Variants in PCDHGA6 observed in about 807,000 individuals in gnomAD.
The protein encoded by PCDHGA6 is protocadherin gamma-A6.
A neutral mutation model predicts 60.6 loss-of-function variants in PCDHGA6; 41 were observed. That is an observed-to-expected ratio of 0.68 (90% CI 0.53 to 0.88). The LOEUF (loss-of-function observed/expected upper bound fraction) is 0.88. Ranked by LOEUF, PCDHGA6 falls within the 40% of genes least tolerant of loss-of-function variation. PCDHGA6 has a pLI of 0.00. For synonymous variants in PCDHGA6, 594 were observed against 524.4 expected, an observed-to-expected ratio of 1.13 and a Z score of -1.81; for missense variants, 1,312 against 1,203.0, an observed-to-expected ratio of 1.09 and a Z score of -1.34.
chr5:141,415,606 G>A lies in PCDHGA6; in HGVS notation c.2424+39099G>A. On this transcript the variant is annotated intron_variant, in intron 1 of 3. Transcript: ENST00000517434. ...GTTTCCTATAGAGGATACCCCATTG[G>A]TTCCAGTGAGTTTTATTTTCATTTT... The A allele has an allele frequency of 1.2e-6, 2 of 1,612,910 alleles. 1 individual carries two copies. Among genetic ancestry groups the A allele is most frequent in the East Asian group, 4.5e-5 (2 of 44,866 alleles).
chr5:141,423,230 G>A (rs1223173152), intron 1 of PCDHGA6: 1 of 1,613,872 alleles, frequency 6.2e-7, no homozygotes, highest in East Asian at 2.2e-5. Flanking sequence ...GTGGCCGACA[G>A]CATCCCCGAA....
intron 1 of PCDHGA6, chr5:141,383,918 T>A (rs1779590334): frequency 3.7e-6 from 6 of 1,613,948 alleles, no homozygotes; most frequent in Non-Finnish European, 5.1e-6. Flanking sequence ...GTTTTAGATG[T>A]AAATGATAAT....
intron 1 of PCDHGA6, chr5:141,383,685 C>T: frequency 3.1e-6 from 5 of 1,614,018 alleles, no homozygotes; most frequent in Non-Finnish European, 4.2e-6. Context: ...CAAGACTGCT[C>T]ACGGTACATG....
intron 1 of PCDHGA6, chr5:141,414,518 A>G (rs746198767): frequency 1.9e-6 from 3 of 1,614,000 alleles, no homozygotes; most frequent in Non-Finnish European, 2.5e-6. Flanking sequence ...CAAGTGGCAG[A>G]TATCAATGAC....
At chr5:141,494,223 C>T (rs1435042163) in intron 1 of PCDHGA6, among the ~76,000 whole-genome samples, 2 of 152,192 alleles carry the variant, frequency 1.3e-5, no homozygotes, top group African/African-American at 4.8e-5. Context: ...TGGCATGACT[C>T]CTAAATTAAT....
rs1434955829 is a variant in PCDHGA6, at chr5:141,431,361, A to G, written c.2424+54854A>G. 3 of 1,614,002 alleles carry G rather than the reference A, an allele frequency of 1.9e-6. No homozygotes were observed. The highest frequency in any genetic ancestry group is 2.5e-6 in the Non-Finnish European group (3 of 1,180,034). On this transcript the variant is annotated intron_variant, in intron 1 of 3. Transcript: ENST00000517434. The surrounding 1 kb of genome is among the most constrained non-coding windows in gnomAD (Gnocchi z 4.8). ...GAATTGGTGCTGAAACGCGCCCTGG[A>G]CCGCGAAGAAAAGGCTGCTCACCAC...
At chr5:141,414,870 G>T in intron 1 of PCDHGA6, 1 of 1,614,224 alleles carries the variant, frequency 6.2e-7, no homozygotes, top group Non-Finnish European at 8.5e-7. Flanking sequence ...ATGCGCCCGA[G>T]ATCCTGTACC....
intron 1 of PCDHGA6, chr5:141,418,511 G>A: frequency 5.6e-6 from 9 of 1,613,974 alleles, no homozygotes; most frequent in Non-Finnish European, 7.6e-6. Context: ...CTTAGATGGT[G>A]GGGACCCTCC....
Position 141,403,041 on chromosome 5 carries a change from A to G in PCDHGA6, c.2424+26534A>G, listed in dbSNP as rs202099773. Reference sequence around the variant, plus strand: ...ATGCTATGGGAGGCCAGGGCCAGTCAGATTCGCTACTCAGTGCCTGAAGAG... The same window carrying G: ...ATGCTATGGGAGGCCAGGGCCAGTCGGATTCGCTACTCAGTGCCTGAAGAG... On this transcript the variant is annotated intron_variant, in intron 1 of 3. Transcript: ENST00000517434. 7.2e-5 allele frequency: 116 copies of G among 1,613,966 alleles called. No homozygotes were observed. Among genetic ancestry groups the G allele is most frequent in the Non-Finnish European group, 9.6e-5 (113 of 1,179,918 alleles).
At chr5:141,440,779 GC>G (rs2154559027) in intron 1 of PCDHGA6, 1 of 152,294 alleles carries the variant, frequency 6.6e-6, no homozygotes, top group Admixed American at 6.5e-5. Flanking sequence ...AGTGCTAGCA[GC>G]CTTAGACGGC....
chr5:141,408,384 T>C, intron 1 of PCDHGA6: 2 of 1,614,014 alleles, frequency 1.2e-6, no homozygotes, highest in Non-Finnish European at 1.7e-6. Flanking sequence ...GTCCTGGATG[T>C]GTCGGCTCGC....
rs1433790348 is a variant in PCDHGA6, at chr5:141,431,831, G to A, written c.2424+55324G>A. The A allele has an allele frequency of 1.2e-6, 2 of 1,614,110 alleles. No homozygotes were observed. The highest frequency in any genetic ancestry group is 1.7e-6 in the Non-Finnish European group (2 of 1,180,040). On this transcript the variant is annotated intron_variant, in intron 1 of 3. Transcript: ENST00000517434. The surrounding 1 kb of genome is among the most constrained non-coding windows in gnomAD (Gnocchi z 4.8). Reference sequence around the variant, plus strand: ...CACCTCTCTCGCCAGCTCGGTTCCCGAAAACTCTCCCAGAGGGACATTAAT... The same window carrying A: ...CACCTCTCTCGCCAGCTCGGTTCCCAAAAACTCTCCCAGAGGGACATTAAT...
intron 1 of PCDHGA6, among the ~76,000 whole-genome samples, chr5:141,406,621 A>G (rs2094831746): frequency 6.6e-6 from 1 of 152,172 alleles, no homozygotes; most frequent in African/African-American, 2.4e-5. Flanking sequence ...TTTTATTCTC[A>G]TATCTTCAAA....
chr5:141,393,393 C>G (rs1244010216), intron 1 of PCDHGA6: 2 of 1,613,900 alleles, frequency 1.2e-6, no homozygotes, highest in African/African-American at 1.3e-5. Context: ...AAACCCAGAG[C>G]TGGTGCTGGA....
intron 1 of PCDHGA6, among the ~76,000 whole-genome samples, chr5:141,381,220 G>C (rs912985270): frequency 6.6e-6 from 1 of 152,190 alleles, no homozygotes; most frequent in African/African-American, 2.4e-5. Context: ...TCTCCTCCTG[G>C]TTCCACCAAC....
In PCDHGA6 at chr5:141,510,915, A is replaced by G; in HGVS notation, c.2573-32A>G. 8 of 1,613,786 alleles carry G rather than the reference A, an allele frequency of 5.0e-6. No individual in the cohort carries two copies. The South Asian group carries it at 8.8e-5, about 18-fold the overall frequency. ...AGTGACTGTTGAGGACCCTAAGTTT[A>G]GCTCCCACCTGATCTTCCTCTGTCT... On this transcript the variant is annotated intron_variant, in intron 3 of 3. Coordinates refer to ENST00000517434, the MANE Select transcript of PCDHGA6 (RefSeq NM_018919.3).
chr5:141,442,786 A>T (rs569050347), intron 1 of PCDHGA6, among the ~76,000 whole-genome samples: 12 of 152,308 alleles, frequency 7.9e-5, no homozygotes, highest in African/African-American at 2.6e-4. Context: ...TATATTTTAT[A>T]ATTTTACTTT....
chr5:141,398,813 G>A (rs779872602), intron 1 of PCDHGA6: 11 of 1,613,838 alleles, frequency 6.8e-6, no homozygotes, highest in Admixed American at 3.3e-5. Flanking sequence ...ACTGAGCTCC[G>A]GATCCAGGTA....
chr5:141,457,233 T>G (rs1038193595), intron 1 of PCDHGA6, among the ~76,000 whole-genome samples: 9 of 152,208 alleles, frequency 5.9e-5, no homozygotes, highest in African/African-American at 2.2e-4. Flanking sequence ...AATTTCCATC[T>G]AAAATTTTAC....
Sources: gnomAD v4.1 joint callset for allele counts (sites outside exome capture counted in the v4.1 genomes callset) on GRCh38, gnomAD v4.1.1 for gene constraint, Gnocchi (gnomAD v3.1) non-coding constraint, MANE v1.5 for transcripts, NCBI Gene and HGNC (gene_info 2026-07-23, HGNC 2026-07-21) for gene names.